The following TRPM3 variants were observed in gnomAD, a reference collection of about 807,000 sequenced individuals.
The protein encoded by TRPM3 is transient receptor potential cation channel subfamily M member 3.
Under a neutral mutation model 181.2 loss-of-function variants are expected in TRPM3, and 77 were observed. The ratio of observed to expected loss-of-function variants is 0.42; its 90% CI spans 0.35 to 0.51. The LOEUF is 0.51. TRPM3 is among the 20% of genes least tolerant of loss of function. TRPM3 has a pLI of 0.01. For missense variants in TRPM3, 1,759 were observed against 2,196.7 expected (o/e 0.80, Z 3.98); for synonymous variants, 745 against 796.4 (o/e 0.94, Z 1.09).
intron 21 of TRPM3, among the ~76,000 whole-genome samples, 163 bp from the exon 22 acceptor site, chr9:70,591,368 G>A (rs766348027): frequency 6.6e-6 from 1 of 152,128 alleles, no homozygotes; most frequent in Non-Finnish European, 1.5e-5. Flanking sequence ...GAAGATGCTT[G>A]GTCTGTTGAA....
intron 1 of TRPM3, among the ~76,000 whole-genome samples, chr9:71,282,169 AT>A: frequency 4.7e-5 from 5 of 106,908 alleles, no homozygotes; most frequent in South Asian, 3.0e-4. Context: ...AAAAGAAAGA[AT>A]GAAAGAAAGA....
intron 1 of TRPM3, among the ~76,000 whole-genome samples, chr9:71,172,780 T>C (rs535973304): frequency 2.9e-4 from 44 of 152,314 alleles, no homozygotes; most frequent in African/African-American, 1.0e-3. Context: ...CTAAACAGGT[T>C]CTTCCCATGG....
intron 3 of TRPM3, among the ~76,000 whole-genome samples, chr9:70,861,426 G>C (rs967920493): frequency 1.3e-5 from 2 of 152,148 alleles, no homozygotes; most frequent in African/African-American, 4.8e-5. Context: ...ATGATGACCA[G>C]AGGCTTATCA....
At chr9:70,671,320 C>T (rs12684412) in intron 9 of TRPM3, among the ~76,000 whole-genome samples, 22,959 of 151,948 alleles carry the variant, frequency 0.15, 2,297 homozygotes, top group East Asian at 0.39. Context: ...GTGGTAAGTA[C>T]CACATGCAGG....
At position 71,213,290 on chromosome 9, in the gene TRPM3, A is replaced by AT. The variant is rs200404408; in HGVS notation, c.183+233362dup. ...GTTATTAAATATTATTCTCCTTTTG[A>AT]TTTTTTTTCAATCATTAAAAAAATT... On this transcript the variant is annotated intron_variant, in intron 1 of 24. Transcript: ENST00000357533. Among the ~76,000 whole-genome samples the AT allele has an allele frequency of 3.7e-4, 56 of 151,774 alleles. No individual in the cohort carries two copies. The East Asian group carries it at 0.011, about 29-fold the overall frequency.
chr9:71,056,833 G>A (rs2060721068), intron 1 of TRPM3, among the ~76,000 whole-genome samples: 1 of 152,078 alleles, frequency 6.6e-6, no homozygotes, highest in East Asian at 1.9e-4. Flanking sequence ...AGACCACCCA[G>A]TGTATGTTAC....
intron 1 of TRPM3, among the ~76,000 whole-genome samples, chr9:71,204,177 A>G (rs1432678333): frequency 6.6e-6 from 1 of 151,450 alleles, no homozygotes; most frequent in East Asian, 1.9e-4. Context: ...CTAAAACACC[A>G]AAAGCAATGG....
chr9:71,096,265 T>G (rs1311426345), intron 1 of TRPM3, among the ~76,000 whole-genome samples: 1 of 148,782 alleles, frequency 6.7e-6, no homozygotes, highest in Admixed American at 6.8e-5. Flanking sequence ...CCCTCTTATT[T>G]CAATCAATTT....
chr9:71,284,623 T>C (rs549210958), intron 1 of TRPM3, among the ~76,000 whole-genome samples: 1 of 152,358 alleles, frequency 6.6e-6, no homozygotes, highest in East Asian at 1.9e-4. Flanking sequence ...CACCTATTTA[T>C]ATAGGTAAGC....
chr9:71,446,439 G>A (rs1030469401), intron 1 of TRPM3, among the ~76,000 whole-genome samples: 16 of 152,164 alleles, frequency 1.1e-4, no homozygotes, highest in African/African-American at 3.9e-4. Flanking sequence ...AGAGCCGCCA[G>A]AGACGTCAGG....
In TRPM3 at chr9:71,362,435, C is replaced by A. The variant is rs2092188334; in HGVS notation, c.183+84218G>T. Reference sequence around the variant, plus strand: ...TTGGTGCTGGAAGTTGTGAGTGAAACAAAGAAAAATTCTGCTTTCTTGACT... The same window carrying A: ...TTGGTGCTGGAAGTTGTGAGTGAAAAAAAGAAAAATTCTGCTTTCTTGACT... On this transcript the variant is annotated intron_variant, in intron 1 of 24. Transcript: ENST00000357533. 2.0e-5 allele frequency among the ~76,000 whole-genome samples: 3 copies of A among 152,066 alleles called. No homozygotes were observed. In the South Asian group the frequency reaches 6.2e-4, roughly 32 times the overall value.
intron 1 of TRPM3, among the ~76,000 whole-genome samples, chr9:71,166,791 T>C (rs747496100): frequency 3.3e-5 from 5 of 152,232 alleles, no homozygotes; most frequent in Non-Finnish European, 7.4e-5. Context: ...TTTGATTACG[T>C]AAAAGTAAAT....
rs2083068796 is a variant in TRPM3 at position 70,784,119 on chromosome 9, G to A, written c.1134C>T (p.Tyr378=). Residue 378 remains tyrosine, a synonymous_variant, in exon 7 of 26, where the codon TAC becomes TAT. Transcript: ENST00000677713. The stretch of plus-strand genomic sequence containing the variant: ...AAGTTACCTACCCGCCTTCTTCTGA[G>A]TATTTATGCCCAAAGGCCAGGATGT... ...ASDILAFGHK[Y]SEEGGLINES... is the part of the protein sequence containing the mutation. The A allele has an allele frequency of 1.2e-6, 2 of 1,613,260 alleles. No individual in the cohort carries two copies. Among genetic ancestry groups the A allele is most frequent in the Non-Finnish European group, 8.5e-7 (1 of 1,179,650 alleles).
At chr9:71,341,551 G>A (rs1367625) in intron 1 of TRPM3, among the ~76,000 whole-genome samples, 135,365 of 151,982 alleles carry the variant, frequency 0.89, 61,045 homozygotes, top group East Asian at 0.97. Flanking sequence ...GTTCAAAATT[G>A]CTAAGGTTAC....
chr9:70,873,924 C>T (rs570102973), intron 1 of TRPM3, among the ~76,000 whole-genome samples: 1 of 152,030 alleles, frequency 6.6e-6, no homozygotes, highest in East Asian at 1.9e-4. Context: ...GTATCAATTT[C>T]TCATCCCTAT....
At chr9:71,411,509 A>G (rs148417052) in intron 1 of TRPM3, among the ~76,000 whole-genome samples, 3,818 of 152,300 alleles carry the variant, frequency 0.025, 93 homozygotes, top group African/African-American at 0.064. Flanking sequence ...CAATTGCTTC[A>G]AAGAGAATAA....
At chr9:70,684,492 G>T (rs2066259862) in intron 8 of TRPM3, among the ~76,000 whole-genome samples, 1 of 152,052 alleles carries the variant, frequency 6.6e-6, no homozygotes, top group Non-Finnish European at 1.5e-5. Context: ...ATCTTGCCTG[G>T]ACTAACCTGA....
Position 70,620,373 on chromosome 9 carries a change from T to C in TRPM3, c.1840-8A>G. 1.2e-6 allele frequency: 2 copies of C among 1,601,700 alleles called. No homozygotes were observed. Among genetic ancestry groups the C allele is most frequent in the Non-Finnish European group, 1.7e-6 (2 of 1,171,416 alleles). On this transcript the variant is annotated splice_polypyrimidine_tract_variant and splice_region_variant and intron_variant, in intron 15 of 25. Coordinates refer to ENST00000677713, the MANE Select transcript of TRPM3 (RefSeq NM_001366145.2). The stretch of plus-strand genomic sequence containing the variant: ...CCTCAAGGGAATATCATCCTGTAAT[T>C]ACAGGGAAACCACACAGACTGAGTT...
At chr9:71,011,181 G>A (rs1216751576) in intron 1 of TRPM3, among the ~76,000 whole-genome samples, 2 of 152,090 alleles carry the variant, frequency 1.3e-5, no homozygotes, top group Admixed American at 6.5e-5. Flanking sequence ...TGGGGAATGG[G>A]AGAGACTGGT....
Sources: gnomAD v4.1 joint callset for allele counts (sites outside exome capture counted in the v4.1 genomes callset) on GRCh38, gnomAD v4.1.1 for gene constraint, MANE v1.5 for transcripts, NCBI Gene and HGNC (gene_info 2026-07-23, HGNC 2026-07-21) for gene names.